AFF4: variants seen among roughly 807,000 people sequenced by gnomAD.
The protein encoded by AFF4 is ALF transcription elongation factor 4.
In AFF4, 13 loss-of-function variants were observed where a neutral mutation model predicts 124.8. The observed-to-expected ratio is 0.10, with a 90% CI of 0.07 to 0.17. The LOEUF (loss-of-function observed/expected upper bound fraction) is 0.17, where lower values mean the gene tolerates loss of function less well. Ranked by LOEUF, AFF4 falls within the 10% of genes least tolerant of loss-of-function variation. The probability of loss-of-function intolerance (pLI) is 1.00; values close to 1 mark genes in which losing one functional copy is unlikely to be tolerated. For missense variants in AFF4, 1,092 were observed against 1,403.8 expected, an observed-to-expected ratio of 0.78 and a Z score of 3.55; for synonymous variants, 477 against 496.1, an observed-to-expected ratio of 0.96 and a Z score of 0.51.
chr5:132,925,383 G>A (rs879803301), intron 5 of AFF4, among the ~76,000 whole-genome samples: 2 of 151,736 alleles, frequency 1.3e-5, no homozygotes, highest in Non-Finnish European at 1.5e-5. Flanking sequence ...TGATCCTAGA[G>A]AAAGAAAAGT....
At chr5:132,891,386 A>C (rs537194369) in intron 13 of AFF4, among the ~76,000 whole-genome samples, 55 of 152,288 alleles carry the variant, frequency 3.6e-4, no homozygotes, top group Middle Eastern at 3.4e-3. Flanking sequence ...AATAATAGGT[A>C]TTTTCTGATT....
intron 2 of AFF4, among the ~76,000 whole-genome samples, chr5:132,936,703 G>C (rs545520706): frequency 1.3e-5 from 2 of 152,278 alleles, no homozygotes; most frequent in Non-Finnish European, 2.9e-5. Flanking sequence ...GGAAAATAGA[G>C]GTAAATGTAT....
At chr5:132,930,201 G>T (rs113809801) in intron 4 of AFF4, among the ~76,000 whole-genome samples, 2 of 152,224 alleles carry the variant, frequency 1.3e-5, no homozygotes, top group African/African-American at 4.8e-5. Context: ...GGCCAGTGTA[G>T]GACAGAAAGA....
In AFF4 at chr5:132,878,835, C is replaced by A. The variant is rs972322486; in HGVS notation, c.*2224G>T. 8.9e-6 allele frequency: 2 copies of A among 223,692 alleles called. No individual in the cohort carries two copies. Among genetic ancestry groups the A allele is most frequent in the African/African-American group, 4.5e-5 (2 of 44,846 alleles). The allele number at this position is 223,692 out of a possible 1,614,324, so 13.9% of individuals were successfully genotyped here. On this transcript the variant is annotated 3_prime_UTR_variant, in exon 21 of 21. Coordinates refer to ENST00000265343, the MANE Select transcript of AFF4 (RefSeq NM_014423.4). ...TTTCAGGACATACAAGAGACTAGAACACAAGAACTCAGAGGTATCCCACTG... is the reference window on the plus strand; with the variant it reads ...TTTCAGGACATACAAGAGACTAGAAAACAAGAACTCAGAGGTATCCCACTG...
intron 5 of AFF4, among the ~76,000 whole-genome samples, chr5:132,913,758 C>G (rs1032222498): frequency 5.3e-5 from 8 of 152,088 alleles, no homozygotes; most frequent in Middle Eastern, 3.2e-3. Context: ...ACATTCTTTT[C>G]AAGTGTACAC....
chr5:132,921,798 C>T (rs995682292), intron 5 of AFF4, among the ~76,000 whole-genome samples: 1 of 151,842 alleles, frequency 6.6e-6, no homozygotes, highest in African/African-American at 2.4e-5. Flanking sequence ...TCTTTCCCCC[C>T]CAGAGAGAGT....
intron 5 of AFF4, chr5:132,926,873 T>G (rs1326376534): frequency 2.6e-6 from 1 of 378,568 alleles, no homozygotes; most frequent in Non-Finnish European, 4.8e-6. Flanking sequence ...TTAATGTCTT[T>G]TAAATCTCTC....
Position 132,881,131 on chromosome 5 carries a change from G to A in AFF4, c.3420C>T (p.Ile1140=). 1 of 1,614,200 alleles carries A rather than the reference G, an allele frequency of 6.2e-7. No homozygotes were observed. The highest frequency in any genetic ancestry group is 8.5e-7 in the Non-Finnish European group (1 of 1,180,022). ...GGGTATAACGAACTAGATCTGTCAT[G>A]ATGCTTGCATTAAAGATGAGAGGGC... ...VMGPLIFNAS[I]MTDLVRYTRQ... Residue 1140 remains isoleucine, a synonymous_variant, in exon 21 of 21, where the codon ATC becomes ATT. Transcript: ENST00000265343.
intron 5 of AFF4, among the ~76,000 whole-genome samples, chr5:132,912,524 G>T (rs1209529269): frequency 2.0e-5 from 3 of 151,878 alleles, no homozygotes; most frequent in African/African-American, 7.3e-5. Context: ...CCACACTCAG[G>T]TAATTTTTTT....
At chr5:132,914,576 G>A (rs1280825520) in intron 5 of AFF4, among the ~76,000 whole-genome samples, 1 of 151,824 alleles carries the variant, frequency 6.6e-6, no homozygotes, top group Non-Finnish European at 1.5e-5. Context: ...ACTCCAGCCT[G>A]GGAGACAGAG....
chr5:132,935,758 G>GAA (rs765780057), intron 2 of AFF4, among the ~76,000 whole-genome samples: 7 of 106,122 alleles, frequency 6.6e-5, no homozygotes, highest in Admixed American at 1.0e-4. Context: ...CTCCATCTCC[G>GAA]AAAAAAAAAA....
chr5:132,891,886 ATCCT>A, intron 13 of AFF4: 2 of 503,136 alleles, frequency 4.0e-6, no homozygotes, highest in Non-Finnish European at 3.5e-6. Flanking sequence ...TCCTCAAATG[ATCCT>A]TCCATCTTAG....
rs1015901235 is a variant in AFF4, at chr5:132,963,361, G to A, written c.-107C>T. On this transcript the variant is annotated 5_prime_UTR_variant, in exon 1 of 21. Coordinates refer to ENST00000265343, the MANE Select transcript of AFF4 (RefSeq NM_014423.4). ...ACGCGCATTCGAGCCCGCCCAGGGG[G>A]CGGTGACAGGCTGCCAAGGGCGAGG... The A allele has an allele frequency of 1.5e-5, 6 of 397,364 alleles. No individual in the cohort carries two copies. Among genetic ancestry groups the A allele is most frequent in the African/African-American group, 8.2e-5 (4 of 48,578 alleles). The allele number at this position is 397,364 out of a possible 1,614,324, so 24.6% of individuals were successfully genotyped here.
intron 13 of AFF4, among the ~76,000 whole-genome samples, chr5:132,889,944 T>C (rs955410169): frequency 6.6e-6 from 1 of 152,114 alleles, no homozygotes; most frequent in Non-Finnish European, 1.5e-5. Flanking sequence ...TATATGTCTA[T>C]TCTGCCTCCT....
rs543256440 is a variant in AFF4 at position 132,891,935 on chromosome 5, C to A, written c.2637+229G>T. Reference sequence around the variant, plus strand: ...TAGCTGGGACTACAGGTATGAGCCACTGTACCCAAGGGTTTTTCTTTCAAT... The same window carrying A: ...TAGCTGGGACTACAGGTATGAGCCAATGTACCCAAGGGTTTTTCTTTCAAT... On this transcript the variant is annotated intron_variant, in intron 13 of 20. Transcript: ENST00000265343. 6 of 647,488 alleles carry A rather than the reference C, an allele frequency of 9.3e-6. No individual in the cohort carries two copies. In the South Asian group the frequency reaches 1.1e-4, roughly 11 times the overall value. 40.1% of individuals were successfully genotyped at this position (647,488 alleles called of 1,614,324 possible).
At chr5:132,918,381 G>T (rs1760964547) in intron 5 of AFF4, among the ~76,000 whole-genome samples, 1 of 150,372 alleles carries the variant, frequency 6.7e-6, no homozygotes, top group Non-Finnish European at 1.5e-5. Context: ...AAAAAAATCA[G>T]CCAGGCACAG....
intron 5 of AFF4, among the ~76,000 whole-genome samples, chr5:132,924,819 G>C (rs1002462752): frequency 4.0e-5 from 6 of 151,356 alleles, no homozygotes; most frequent in Non-Finnish European, 7.4e-5. Flanking sequence ...CGCACCAGGT[G>C]ACACAGCAAG....
intron 4 of AFF4, among the ~76,000 whole-genome samples, chr5:132,931,138 G>T (rs984561661): frequency 6.6e-6 from 1 of 150,700 alleles, no homozygotes; most frequent in African/African-American, 2.4e-5. Flanking sequence ...TAAAGCAGCC[G>T]GGTGCAGTGG....
chr5:132,914,947 A>AG (rs765870578), intron 5 of AFF4, among the ~76,000 whole-genome samples: 4 of 152,244 alleles, frequency 2.6e-5, no homozygotes, highest in Admixed American at 1.3e-4. Context: ...TAACATGAGT[A>AG]GCCCTATAGC....
Sources: gnomAD v4.1 joint callset for allele counts (sites outside exome capture counted in the v4.1 genomes callset) on GRCh38, gnomAD v4.1.1 for gene constraint, MANE v1.5 for transcripts, NCBI Gene and HGNC (gene_info 2026-07-23, HGNC 2026-07-21) for gene names.